RYR2: variants seen among roughly 807,000 people sequenced by gnomAD.
The protein encoded by RYR2 is ryanodine receptor 2, also known as cardiac muscle ryanodine receptor-calcium release channel.
Under a neutral mutation model 601.1 loss-of-function variants are expected in RYR2, and 227 were observed. The observed-to-expected ratio is 0.38, with a 90% CI of 0.34 to 0.42. The LOEUF is 0.42. Among genes scored for constraint, RYR2 ranks in the 10% least tolerant of loss-of-function variants. The pLI, the probability that RYR2 is intolerant of heterozygous loss-of-function variation, is 1.00. For missense variants in RYR2, 4,646 were observed against 6,156.5 expected (o/e 0.75, Z 8.21); for synonymous variants, 2,223 against 2,175.1 (o/e 1.02, Z -0.61).
intron 34 of RYR2, among the ~76,000 whole-genome samples, chr1:237,600,103 A>G (rs1289879873): frequency 6.6e-6 from 1 of 152,164 alleles, no homozygotes; most frequent in Non-Finnish European, 1.5e-5. Context: ...ATGAAATCAC[A>G]AAAGACCCCA....
chr1:237,620,551 A>C (rs533962220), intron 38 of RYR2, among the ~76,000 whole-genome samples: 2 of 152,136 alleles, frequency 1.3e-5, no homozygotes, highest in Non-Finnish European at 2.9e-5. Context: ...TATGCTTGCT[A>C]TGAGAAACTC....
Position 237,421,176 on chromosome 1 carries a change from T to C in RYR2, c.849-1916T>C, listed in dbSNP as rs754732364. 3.4e-4 allele frequency among the ~76,000 whole-genome samples: 51 copies of C among 152,094 alleles called. 1 individual carries two copies. The highest frequency in any genetic ancestry group is 1.5e-4 in the Non-Finnish European group (10 of 68,024). On this transcript the variant is annotated intron_variant, in intron 11 of 104. Transcript: ENST00000366574. The stretch of plus-strand genomic sequence containing the variant: ...ATCGCTTGAACCCGGGAGGCGGAGT[T>C]TACAGTGAGCCAAGATCGCGCCACT...
chr1:237,503,633 G>C, intron 22 of RYR2, 128 bp downstream of exon 22: 1 of 775,928 alleles, frequency 1.3e-6, no homozygotes, highest in Non-Finnish European at 2.1e-6. Flanking sequence ...TGACATGTAG[G>C]ACTGAAATGA....
At chr1:237,423,854 G>A (rs1403504643) in intron 12 of RYR2, among the ~76,000 whole-genome samples, 1 of 152,130 alleles carries the variant, frequency 6.6e-6, no homozygotes, top group African/African-American at 2.4e-5. Context: ...AAATACCTGA[G>A]ACTGGGTGAT....
At chr1:237,831,889 A>G (rs533164060) in intron 104 of RYR2, among the ~76,000 whole-genome samples, 3 of 152,228 alleles carry the variant, frequency 2.0e-5, no homozygotes, top group East Asian at 1.9e-4. Context: ...ATGATTTCCA[A>G]TGAACTTCAA....
intron 29 of RYR2, among the ~76,000 whole-genome samples, chr1:237,570,707 T>A (rs2990545): frequency 0.94 from 142,472 of 152,212 alleles, 67,372 homozygotes; most frequent in East Asian, 1. Context: ...CTCAATTCCC[T>A]CAGGTGGTTA....
At chr1:237,612,312 C>T (rs1383807484) in intron 36 of RYR2, among the ~76,000 whole-genome samples, 1 of 151,992 alleles carries the variant, frequency 6.6e-6, no homozygotes, top group East Asian at 1.9e-4. Flanking sequence ...GTACTAAATT[C>T]CTTTTGGGAT....
intron 39 of RYR2, 109 bp downstream of exon 39, chr1:237,623,979 C>G (rs1414440698): frequency 1.4e-6 from 1 of 715,284 alleles, no homozygotes; most frequent in Non-Finnish European, 2.4e-6. Context: ...CACACGATAC[C>G]TGTTAGAAAG....
At chr1:237,401,105 AT>A (rs1319634594) in intron 10 of RYR2, among the ~76,000 whole-genome samples, 1 of 152,214 alleles carries the variant, frequency 6.6e-6, no homozygotes, top group Non-Finnish European at 1.5e-5. Flanking sequence ...TGAGATTACT[AT>A]GGCCCTCGTC....
intron 2 of RYR2, among the ~76,000 whole-genome samples, chr1:237,299,653 C>T (rs1421574183): frequency 3.9e-5 from 6 of 152,040 alleles, no homozygotes; most frequent in South Asian, 2.1e-4. Context: ...GTTATACTGC[C>T]GGCTAATAAA....
chr1:237,616,210 C>T (rs1035123726), intron 37 of RYR2, among the ~76,000 whole-genome samples: 1 of 152,142 alleles, frequency 6.6e-6, no homozygotes, highest in South Asian at 2.1e-4. Context: ...TAGATGGTGA[C>T]ACAGAGGGTT....
At chr1:237,765,958 C>A (rs888687585) in intron 84 of RYR2, among the ~76,000 whole-genome samples, 2 of 152,098 alleles carry the variant, frequency 1.3e-5, no homozygotes, top group African/African-American at 4.8e-5. Context: ...GGTGGAAGTA[C>A]TTAGCGGCTG....
At chr1:237,781,425 T>C (rs1695103575) in intron 88 of RYR2, 140 bp from the exon 89 acceptor site, 1 of 564,588 alleles carries the variant, frequency 1.8e-6, no homozygotes, top group Admixed American at 3.2e-5. Context: ...ATTTTTAATA[T>C]TTGGCCCTCC....
At position 237,610,213 on chromosome 1, in the gene RYR2, G is replaced by T. The variant is rs1047746572; in HGVS notation, c.4684-549G>T. On this transcript the variant is annotated intron_variant, in intron 35 of 104. Coordinates refer to ENST00000366574, the MANE Select transcript of RYR2 (RefSeq NM_001035.3). This position sits in a 1 kb window ranked among gnomAD's most constrained non-coding sequence, Gnocchi z 4.9. ...TGAAGATGATACTGGAGGTGGAGGA[G>T]AAATAAGTAGGTTTGTTAATGCCTA... 4.6e-5 allele frequency among the ~76,000 whole-genome samples: 7 copies of T among 152,186 alleles called. No individual in the cohort carries two copies. The highest frequency in any genetic ancestry group is 3.9e-4 in the Admixed American group (6 of 15,276).
intron 1 of RYR2, among the ~76,000 whole-genome samples, chr1:237,242,203 TTTGTTTG>T (rs1411076447): frequency 2.4e-3 from 20 of 8,290 alleles, no homozygotes; most frequent in Non-Finnish European, 0.012. Flanking sequence ...GTTTTTTTTG[TTTGTTTG>T]TTTGTTTGTT....
chr1:237,709,665 T>G, intron 70 of RYR2, 98 bp downstream of exon 70: 1 of 662,908 alleles, frequency 1.5e-6, no homozygotes, highest in Non-Finnish European at 2.6e-6. Flanking sequence ...AGAGAATAGG[T>G]TCCCCTGAGG....
At chr1:237,548,833 A>C (rs903726732) in intron 26 of RYR2, among the ~76,000 whole-genome samples, 1 of 152,172 alleles carries the variant, frequency 6.6e-6, no homozygotes, top group Admixed American at 6.5e-5. Flanking sequence ...GACTTATAAT[A>C]TGGTTTTGTG....
At position 237,819,261 on chromosome 1, in the gene RYR2, TC is replaced by T. The variant is rs1662165979; in HGVS notation, c.14590+70del. The stretch of plus-strand genomic sequence containing the variant: ...AGCCACATGTTGCTGAAGTTAATAT[TC>T]AAGGTAGGGTAATGACGTCAAGTGT... On this transcript the variant is annotated intron_variant, in intron 101 of 104. Transcript: ENST00000366574. The surrounding 1 kb of genome is among the most constrained non-coding windows in gnomAD (Gnocchi z 4.0). 4 of 1,446,414 alleles carry T rather than the reference TC, an allele frequency of 2.8e-6. No individual in the cohort carries two copies. In the Admixed American group the frequency reaches 6.8e-5, roughly 25 times the overall value. The allele number at this position is 1,446,414 out of a possible 1,614,324, so 89.6% of individuals were successfully genotyped here.
At chr1:237,629,865 T>C (rs1680069704) in intron 41 of RYR2, among the ~76,000 whole-genome samples, 1 of 152,142 alleles carries the variant, frequency 6.6e-6, no homozygotes, top group East Asian at 1.9e-4. Context: ...AAAGGTTCTA[T>C]TAAAAATTCA....
Sources: allele counts gnomAD v4.1 joint callset (sites outside exome capture counted in the v4.1 genomes callset), GRCh38; gene constraint gnomAD v4.1.1; non-coding constraint Gnocchi (gnomAD v3.1); transcripts MANE v1.5; gene names NCBI Gene and HGNC (gene_info 2026-07-23, HGNC 2026-07-21).